DNAH3: variants seen among roughly 807,000 people sequenced by gnomAD.
DNAH3 encodes the protein axonemal beta dynein heavy chain 3.
A neutral mutation model predicts 432.5 loss-of-function variants in DNAH3; 332 were observed. That is an observed-to-expected ratio of 0.77 (90% confidence interval 0.70 to 0.84). The LOEUF (loss-of-function observed/expected upper bound fraction) is 0.84, where lower values mean the gene tolerates loss of function less well. Ranked by LOEUF, DNAH3 falls within the 40% of genes least tolerant of loss-of-function variation. The pLI, the probability that DNAH3 is intolerant of heterozygous loss-of-function variation, is 0.00. For synonymous variants in DNAH3, 1,956 were observed against 1,900.2 expected, an observed-to-expected ratio of 1.03 and a Z score of -0.76; for missense variants, 4,861 against 5,114.0, an observed-to-expected ratio of 0.95 and a Z score of 1.51.
chr16:21,125,098 A>G, intron 9 of DNAH3, 77 bp downstream of exon 10: 1 of 1,256,450 alleles, frequency 8.0e-7, no homozygotes, highest in Non-Finnish European at 1.1e-6. Flanking sequence ...CTGAGGACGT[A>G]CATGACAGAG....
chr16:21,093,279 T>C (rs1439086071), intron 18 of DNAH3, among the ~76,000 whole-genome samples: 2 of 152,216 alleles, frequency 1.3e-5, no homozygotes, highest in Admixed American at 6.5e-5. Context: ...TTGTGCTTCA[T>C]AGTACTTACC....
intron 6 of DNAH3, among the ~76,000 whole-genome samples, chr16:21,135,543 A>C: frequency 6.6e-6 from 1 of 152,154 alleles, no homozygotes. Flanking sequence ...AAATACAAAA[A>C]TTAGCTGGGA....
At chr16:20,935,606 C>G (rs2083558249) in intron 60 of DNAH3, 121 bp from the exon 61 acceptor site, 1 of 1,048,900 alleles carries the variant, frequency 9.5e-7, no homozygotes. Context: ...AAACAGCCCT[C>G]TTGGTTTAGC....
chr16:20,984,029 G>GAAAAAAAAAAAAAAAAAAAAA (rs61475224), intron 48 of DNAH3, among the ~76,000 whole-genome samples: 12 of 112,130 alleles, frequency 1.1e-4, no homozygotes, highest in African/African-American at 4.2e-4. Flanking sequence ...CCTATATCCA[G>GAAAAAAAAAAAAAAAAAAAAA]AAAAAAAAAA....
chr16:20,955,913 T>A (rs2084542239), intron 54 of DNAH3, among the ~76,000 whole-genome samples: 1 of 151,840 alleles, frequency 6.6e-6, no homozygotes, highest in Non-Finnish European at 1.5e-5. Context: ...TTTTTATTAT[T>A]TTTATCTTAT....
chr16:21,145,950 C>G (rs1399107198), intron 2 of DNAH3, 34 bp downstream of exon 3: 8 of 1,405,690 alleles, frequency 5.7e-6, no homozygotes, highest in Non-Finnish European at 7.1e-6. Context: ...CCTCCTCACC[C>G]TCAACAGAAG....
In DNAH3 at chr16:20,985,720, A is replaced by G. The variant is rs1440538529; in HGVS notation, c.7027-5T>C. On this transcript the variant is annotated splice_polypyrimidine_tract_variant and splice_region_variant and intron_variant, in intron 47 of 61. Transcript: ENST00000261383. ...GGGTGACAAGTGGATAAGCACCTGT[A>G]AGAAAAGTAAATCTCGGCGGGGCAT... is the stretch of plus-strand genomic sequence containing the variant. The G allele has an allele frequency of 1.2e-6, 2 of 1,609,548 alleles. No individual in the cohort carries two copies. The highest frequency in any genetic ancestry group is 1.7e-5 in the Admixed American group (1 of 59,762).
intron 58 of DNAH3, among the ~76,000 whole-genome samples, chr16:20,944,201 GAAA>G (rs750181446): frequency 2.2e-4 from 1 of 4,494 alleles, no homozygotes; most frequent in Non-Finnish European, 3.6e-4. Context: ...AAAAGCAAAA[GAAA>G]AAAAAAAAGA....
intron 53 of DNAH3, 74 bp from the exon 54 acceptor site, chr16:20,959,478 A>G (rs1360386330): frequency 9.7e-6 from 14 of 1,441,200 alleles, no homozygotes; most frequent in South Asian, 1.2e-5. Flanking sequence ...TATATCAACA[A>G]TAACAACATG....
exon 40 of DNAH3, chr16:21,022,050 G>C: frequency 6.2e-7 from 1 of 1,613,994 alleles, no homozygotes; most frequent in Non-Finnish European, 8.5e-7. Flanking sequence ...TACAATGAAG[G>C]CGACCAAATT....
chr16:21,086,149 C>T lies in DNAH3; in HGVS notation c.2877+700G>A, dbSNP rs369778495. On this transcript the variant is annotated intron_variant, in intron 19 of 61. Coordinates refer to ENST00000261383, the Ensembl canonical transcript of DNAH3. ...TTTTCACTTCTAATTCCATACAGAG[C>T]GACTCCTGGTAAAGGATGTTTCAAG... Among the ~76,000 whole-genome samples the T allele has an allele frequency of 1.1e-4, 16 of 152,188 alleles. No homozygotes were observed. In the South Asian group the frequency reaches 1.9e-3, roughly 18 times the overall value.
intron 18 of DNAH3, among the ~76,000 whole-genome samples, chr16:21,089,832 A>G (rs1002173838): frequency 5.3e-5 from 8 of 152,148 alleles, no homozygotes; most frequent in Non-Finnish European, 1.0e-4. Flanking sequence ...ACAGAAATCC[A>G]TTGAAAACAA....
At chr16:21,073,070 T>G (rs896235482) in intron 21 of DNAH3, among the ~76,000 whole-genome samples, 1 of 152,050 alleles carries the variant, frequency 6.6e-6, no homozygotes, top group African/African-American at 2.4e-5. Context: ...CCTGGGCCAT[T>G]GTGGCAAGCA....
chr16:20,964,362 G>C, exon 53 of DNAH3: 1 of 1,614,170 alleles, frequency 6.2e-7, no homozygotes, highest in Non-Finnish European at 8.5e-7. Context: ...TCCTCAAACG[G>C]GTTGTGATGT....
At chr16:20,941,847 C>T (rs1318760342) in intron 58 of DNAH3, among the ~76,000 whole-genome samples, 1 of 152,108 alleles carries the variant, frequency 6.6e-6, no homozygotes, top group East Asian at 1.9e-4. Flanking sequence ...CGCTTGAGTC[C>T]AGGAGTTTGA....
chr16:20,987,965 T>C, exon 45 of DNAH3: 5 of 1,614,142 alleles, frequency 3.1e-6, no homozygotes, highest in Non-Finnish European at 4.2e-6. Context: ...CATCAAACCC[T>C]TTCCCGAAGT....
chr16:21,020,348 G>GTGTGTATATATA lies in DNAH3; in HGVS notation c.5777-480_5777-479insTATATATACACA. ...ACTGCTGTATAATAATATAGTGTGT[G>GTGTGTATATATA]TATATATATATATATATATAAAATC... On this transcript the variant is annotated intron_variant, in intron 40 of 61. Transcript: ENST00000261383. 2.3e-3 allele frequency among the ~76,000 whole-genome samples: 160 copies of GTGTGTATATATA among 69,078 alleles called. 3 individuals are homozygous for GTGTGTATATATA. Among genetic ancestry groups the GTGTGTATATATA allele is most frequent in the South Asian group, 8.3e-3 (13 of 1,566 alleles). 45.3% of individuals were successfully genotyped at this position (69,078 alleles called of 152,430 possible).
intron 54 of DNAH3, among the ~76,000 whole-genome samples, chr16:20,958,455 T>G (rs964795689): frequency 6.6e-6 from 1 of 152,188 alleles, no homozygotes; most frequent in Non-Finnish European, 1.5e-5. Flanking sequence ...CGTCTCCTAT[T>G]ACCTTCTCCA....
chr16:20,990,312 T>C (rs1229493444), intron 44 of DNAH3, among the ~76,000 whole-genome samples: 2 of 152,250 alleles, frequency 1.3e-5, no homozygotes, highest in South Asian at 2.1e-4. Flanking sequence ...TGTGTATCTA[T>C]AGATCTATGT....
Sources: gnomAD v4.1 joint callset for allele counts (sites outside exome capture counted in the v4.1 genomes callset) on GRCh38, gnomAD v4.1.1 for gene constraint, MANE v1.5 for transcripts, NCBI Gene and HGNC (gene_info 2026-07-23, HGNC 2026-07-21) for gene names.